PCDH15: variants seen among roughly 807,000 people sequenced by gnomAD.
PCDH15 encodes the protein protocadherin-15.
PCDH15 carries 129 observed loss-of-function variants against 178.5 expected under a neutral mutation model. That is an observed-to-expected ratio of 0.72 (90% CI 0.63 to 0.84). The LOEUF is 0.84. PCDH15 is among the 40% of genes least tolerant of loss of function. The pLI is 0.00. For missense variants in PCDH15, 2,230 were observed against 2,099.9 expected, an observed-to-expected ratio of 1.06 and a Z score of -1.21; for synonymous variants, 800 against 732.0, an observed-to-expected ratio of 1.09 and a Z score of -1.50.
chr10:55,472,632 G>A (rs181811693), intron 2 of PCDH15, among the ~76,000 whole-genome samples: 33 of 152,154 alleles, frequency 2.2e-4, no homozygotes, highest in African/African-American at 6.7e-4. Context: ...GCAGTGGCGC[G>A]GTCTGCGCTA....
intron 2 of PCDH15, among the ~76,000 whole-genome samples, chr10:55,154,709 A>C (rs1838835518): frequency 6.6e-6 from 1 of 152,154 alleles, no homozygotes; most frequent in Admixed American, 6.6e-5. Flanking sequence ...TGGAATCATA[A>C]AAGGGCAAAT....
chr10:55,106,667 C>G (rs141523325), intron 2 of PCDH15, among the ~76,000 whole-genome samples: 1 of 152,092 alleles, frequency 6.6e-6, no homozygotes, highest in Admixed American at 6.5e-5. Flanking sequence ...CCACCCACCT[C>G]GGCCTCCCAA....
At chr10:54,275,538 A>G (rs1370918327) in intron 8 of PCDH15, among the ~76,000 whole-genome samples, 1 of 151,892 alleles carries the variant, frequency 6.6e-6, no homozygotes, top group Non-Finnish European at 1.5e-5. Context: ...TGAAAGAAAA[A>G]AATATTTAAA....
At chr10:54,226,179 C>T (rs975942772) in intron 9 of PCDH15, among the ~76,000 whole-genome samples, 1 of 152,204 alleles carries the variant, frequency 6.6e-6, no homozygotes, top group East Asian at 1.9e-4. Flanking sequence ...TACAGTTCCA[C>T]GTGGCTGGAG....
intron 20 of PCDH15, among the ~76,000 whole-genome samples, chr10:54,016,400 G>A (rs1239802166): frequency 6.6e-6 from 1 of 152,040 alleles, no homozygotes; most frequent in Non-Finnish European, 1.5e-5. Context: ...TAAACAAATT[G>A]TTGTACCATA....
In PCDH15 at chr10:54,132,874, C is replaced by G; in HGVS notation, c.1917+1G>C. 6 of 1,610,496 alleles carry G rather than the reference C, an allele frequency of 3.7e-6. No homozygotes were observed. Among genetic ancestry groups the G allele is most frequent in the Non-Finnish European group, 5.1e-6 (6 of 1,178,204 alleles). On this transcript the variant is annotated splice_donor_variant, in intron 15 of 37. Coordinates refer to ENST00000644397, the MANE Select transcript of PCDH15 (RefSeq NM_001384140.1). LOFTEE classifies it high-confidence loss of function. Reference sequence around the variant, plus strand: ...ACACACACACACACCAAGGAACATACCTGTAGATTTAATAAAACAGCACCA... The same window carrying G: ...ACACACACACACACCAAGGAACATAGCTGTAGATTTAATAAAACAGCACCA...
chr10:53,983,305 T>C (rs2090828016), intron 21 of PCDH15, among the ~76,000 whole-genome samples: 1 of 151,420 alleles, frequency 6.6e-6, no homozygotes, highest in African/African-American at 2.4e-5. Flanking sequence ...TGTGACTTAG[T>C]CATATTTTAG....
At chr10:55,463,826 T>A (rs145983806) in intron 2 of PCDH15, among the ~76,000 whole-genome samples, 58 of 149,288 alleles carry the variant, frequency 3.9e-4, no homozygotes, top group African/African-American at 1.4e-3. Flanking sequence ...ATTAATTAAT[T>A]ATTAAATGAG....
At chr10:55,302,048 T>C (rs889952550) in intron 1 of PCDH15, among the ~76,000 whole-genome samples, 1 of 152,166 alleles carries the variant, frequency 6.6e-6, no homozygotes, top group African/African-American at 2.4e-5. Flanking sequence ...TACAAAATTG[T>C]TTCAGCTGTG....
chr10:54,987,526 A>T (rs1392852956), intron 2 of PCDH15, among the ~76,000 whole-genome samples: 1 of 151,994 alleles, frequency 6.6e-6, no homozygotes, highest in Non-Finnish European at 1.5e-5. Flanking sequence ...ACCAGCATCT[A>T]TATTTTTCTG....
chr10:55,476,842 T>A (rs374834766), intron 2 of PCDH15, among the ~76,000 whole-genome samples: 2 of 151,926 alleles, frequency 1.3e-5, no homozygotes, highest in African/African-American at 2.4e-5. Flanking sequence ...AGAAATAGAT[T>A]CTGTAGATTG....
intron 2 of PCDH15, among the ~76,000 whole-genome samples, chr10:55,409,925 A>G (rs192369791): frequency 6.6e-6 from 1 of 152,258 alleles, no homozygotes; most frequent in East Asian, 1.9e-4. Flanking sequence ...TAAGAACTGA[A>G]GGCTATAATT....
At chr10:54,111,877 A>G (rs1450421896) in intron 15 of PCDH15, among the ~76,000 whole-genome samples, 1 of 151,688 alleles carries the variant, frequency 6.6e-6, no homozygotes, top group African/African-American at 2.4e-5. Flanking sequence ...CTGTAGTCCC[A>G]GCAGTTTGGG....
intron 3 of PCDH15, among the ~76,000 whole-genome samples, chr10:54,450,609 A>C (rs2076424895): frequency 6.6e-6 from 1 of 151,766 alleles, no homozygotes. Flanking sequence ...AATATAAATA[A>C]TCATGACCAA....
intron 2 of PCDH15, among the ~76,000 whole-genome samples, chr10:55,357,418 T>G (rs972157775): frequency 3.3e-5 from 5 of 151,896 alleles, no homozygotes; most frequent in African/African-American, 1.2e-4. Flanking sequence ...ATCTCTAAGG[T>G]AGAAACTTTC....
Position 53,855,899 on chromosome 10 carries a change from G to GATATATATAT in PCDH15, c.3806+1275_3806+1276insATATATATAT, listed in dbSNP as rs1324732057. Reference sequence around the variant, plus strand: ...GAACTTAAAAGTTAAAAAAAAAGGTGATATGTATATATATATATATATGTA... The same window carrying GATATATATAT: ...GAACTTAAAAGTTAAAAAAAAAGGTGATATATATATATATGTATATATATATATATATGTA... On this transcript the variant is annotated intron_variant, in intron 28 of 37. Coordinates refer to ENST00000644397, the MANE Select transcript of PCDH15 (RefSeq NM_001384140.1). Among the ~76,000 whole-genome samples the GATATATATAT allele has an allele frequency of 1.3e-3, 105 of 77,848 alleles. 3 individuals carry two copies. Among genetic ancestry groups the GATATATATAT allele is most frequent in the African/African-American group, 7.4e-3 (101 of 13,592 alleles). 51.1% of individuals were successfully genotyped at this position (77,848 alleles called of 152,430 possible). A position where few individuals can be genotyped will look rare whatever the true frequency, so the allele number is the denominator to read the frequency against.
chr10:55,048,568 G>A (rs1362403534), intron 2 of PCDH15, among the ~76,000 whole-genome samples: 2 of 151,846 alleles, frequency 1.3e-5, no homozygotes, highest in Non-Finnish European at 2.9e-5. Flanking sequence ...TGCATCTTGT[G>A]AACTCTCAGT....
At chr10:54,469,578 C>T (rs1360243795) in intron 3 of PCDH15, among the ~76,000 whole-genome samples, 1 of 152,164 alleles carries the variant, frequency 6.6e-6, no homozygotes, top group Non-Finnish European at 1.5e-5. Flanking sequence ...CAGTCTTTGG[C>T]CCCCATTGGC....
At chr10:55,104,835 C>T (rs1842640670) in intron 2 of PCDH15, among the ~76,000 whole-genome samples, 1 of 152,114 alleles carries the variant, frequency 6.6e-6, no homozygotes, top group African/African-American at 2.4e-5. Flanking sequence ...TATGATACTG[C>T]ACTAAACATG....
Sources: gnomAD v4.1 joint callset for allele counts (sites outside exome capture counted in the v4.1 genomes callset) on GRCh38, gnomAD v4.1.1 for gene constraint, MANE v1.5 for transcripts, NCBI Gene and HGNC (gene_info 2026-07-23, HGNC 2026-07-21) for gene names.